SPATA16: variants seen among roughly 807,000 people sequenced by gnomAD.
SPATA16 encodes spermatogenesis-associated protein 16.
Under a neutral mutation model 63.3 loss-of-function variants are expected in SPATA16, and 36 were observed. That is an observed-to-expected ratio of 0.57 (90% CI 0.44 to 0.75). The LOEUF (loss-of-function observed/expected upper bound fraction) is 0.75, where lower values mean the gene tolerates loss of function less well. Among genes scored for constraint, SPATA16 ranks in the 30% least tolerant of loss-of-function variants. SPATA16 has a pLI of 0.00. For missense variants in SPATA16, 646 were observed against 679.3 expected, an observed-to-expected ratio of 0.95 and a Z score of 0.54; for synonymous variants, 203 against 216.7, an observed-to-expected ratio of 0.94 and a Z score of 0.56.
intron 2 of SPATA16, among the ~76,000 whole-genome samples, chr3:173,097,182 AC>A (rs1057464890): frequency 7.2e-5 from 11 of 152,138 alleles, no homozygotes; most frequent in Non-Finnish European, 1.6e-4. Context: ...TCTAGATGCC[AC>A]CCACACATAG....
At chr3:173,134,463 T>G (rs940065672) in intron 1 of SPATA16, among the ~76,000 whole-genome samples, 1 of 151,366 alleles carries the variant, frequency 6.6e-6, no homozygotes, top group African/African-American at 2.4e-5. Context: ...CACTCCGGCC[T>G]GGGTGACAGA....
chr3:173,127,585 T>C (rs1219887391), intron 1 of SPATA16, among the ~76,000 whole-genome samples: 1 of 152,186 alleles, frequency 6.6e-6, no homozygotes, highest in Non-Finnish European at 1.5e-5. Flanking sequence ...TTTTACAGAA[T>C]CTACCTCAAT....
rs562505485 is a variant in SPATA16, at chr3:172,966,819, C to T, written c.934-9995G>A. On this transcript the variant is annotated intron_variant, in intron 5 of 10. Transcript: ENST00000351008. The stretch of plus-strand genomic sequence containing the variant: ...AGATTATCTTATACCTGAGTGAACA[C>T]AGCTTAAAAAATTTCATGATTTCAT... 7.3e-4 allele frequency among the ~76,000 whole-genome samples: 111 copies of T among 152,236 alleles called. 1 individual carries two copies. The highest frequency in any genetic ancestry group is 7.3e-3 in the Admixed American group (111 of 15,298).
intron 9 of SPATA16, among the ~76,000 whole-genome samples, chr3:172,913,987 T>C (rs1002181692): frequency 6.6e-6 from 1 of 152,194 alleles, no homozygotes; most frequent in South Asian, 2.1e-4. Context: ...TAGGTTTTAA[T>C]GTAGTAAGTG....
At chr3:173,076,217 A>G (rs1736798403) in intron 2 of SPATA16, among the ~76,000 whole-genome samples, 1 of 152,124 alleles carries the variant, frequency 6.6e-6, no homozygotes, top group Admixed American at 6.6e-5. Context: ...ATGTCTCGCT[A>G]TCTTTTAAAA....
chr3:172,961,123 T>TTCCTTCCTTCCTTCCTTCCTTCCTTCCG (rs1560080489), intron 5 of SPATA16, among the ~76,000 whole-genome samples: 2 of 150,786 alleles, frequency 1.3e-5, no homozygotes, highest in African/African-American at 4.9e-5. Context: ...CCTTCCTTCC[T>TTCCTTCCTTCCTTCCTTCCTTCCTTCCG]TCCTTTCTCT....
At chr3:173,117,786 T>C in intron 1 of SPATA16, 37 bp from the exon 2 acceptor site, 1 of 1,613,292 alleles carries the variant, frequency 6.2e-7, no homozygotes, top group South Asian at 1.1e-5. Flanking sequence ...ATTAAGGCAA[T>C]ATTTTGAATT....
rs544732508 is a variant in SPATA16, at chr3:172,901,971, A to G, written c.1587+11690T>C. Among the ~76,000 whole-genome samples, 14 of 152,308 alleles carry G rather than the reference A, an allele frequency of 9.2e-5. No homozygotes were observed. The South Asian group carries it at 2.1e-3, about 23-fold the overall frequency. The stretch of plus-strand genomic sequence containing the variant: ...GGGAGATTTACTTCCTACTGGGGAT[A>G]AAAGTCCAGACTCCCTACTTGTTCT... On this transcript the variant is annotated intron_variant, in intron 10 of 10. Transcript: ENST00000351008.
chr3:173,081,114 A>T (rs1736912850), intron 2 of SPATA16, among the ~76,000 whole-genome samples: 1 of 152,194 alleles, frequency 6.6e-6, no homozygotes, highest in Admixed American at 6.5e-5. Flanking sequence ...TCAAAATCTT[A>T]TCTGTAGATT....
intron 4 of SPATA16, among the ~76,000 whole-genome samples, chr3:172,998,629 A>T (rs1198118643): frequency 1.3e-5 from 2 of 152,156 alleles, no homozygotes; most frequent in Non-Finnish European, 2.9e-5. Context: ...GATCTTAGTG[A>T]GAAAGTTTCA....
intron 2 of SPATA16, among the ~76,000 whole-genome samples, chr3:173,062,662 A>C (rs1054070711): frequency 1.3e-5 from 2 of 152,206 alleles, no homozygotes; most frequent in African/African-American, 4.8e-5. Flanking sequence ...TCTAGGTAGT[A>C]TAAAATACTG....
At chr3:173,089,312 C>A (rs1268003644) in intron 2 of SPATA16, among the ~76,000 whole-genome samples, 1 of 152,200 alleles carries the variant, frequency 6.6e-6, no homozygotes, top group African/African-American at 2.4e-5. Flanking sequence ...ACTTCCTTCT[C>A]CTCCAGAGGC....
chr3:172,991,820 T>C (rs571296823), intron 4 of SPATA16, among the ~76,000 whole-genome samples: 8 of 152,266 alleles, frequency 5.3e-5, no homozygotes, highest in African/African-American at 1.7e-4. Flanking sequence ...GGGAGCCAGA[T>C]ATGGTGAACA....
At chr3:173,023,712 T>C (rs907415613) in intron 3 of SPATA16, among the ~76,000 whole-genome samples, 7 of 151,736 alleles carry the variant, frequency 4.6e-5, no homozygotes, top group South Asian at 4.1e-4. Flanking sequence ...TTTTTTTAAA[T>C]AGAAGTTTTA....
At chr3:172,889,783 G>T in intron 10 of SPATA16, 91 bp from the exon 11 acceptor site, 3 of 1,530,438 alleles carry the variant, frequency 2.0e-6, no homozygotes, top group South Asian at 2.3e-5. Flanking sequence ...AAAATAAATG[G>T]CACATACAAA....
chr3:173,089,187 A>G (rs767119096), intron 2 of SPATA16, among the ~76,000 whole-genome samples: 2 of 152,164 alleles, frequency 1.3e-5, no homozygotes, highest in Admixed American at 6.5e-5. Context: ...GAATACATCC[A>G]TAGAGAATTG....
intron 3 of SPATA16, among the ~76,000 whole-genome samples, chr3:173,030,021 C>G (rs1735564137): frequency 6.6e-6 from 1 of 151,956 alleles, no homozygotes; most frequent in Non-Finnish European, 1.5e-5. Context: ...AGGTAAGTGA[C>G]AGGATGCCTA....
At chr3:173,093,235 A>G (rs906995381) in intron 2 of SPATA16, among the ~76,000 whole-genome samples, 2 of 152,096 alleles carry the variant, frequency 1.3e-5, no homozygotes, top group African/African-American at 4.8e-5. Context: ...TTTCTATTTA[A>G]AAAATTGTCT....
At chr3:173,021,358 G>A (rs929980355) in intron 3 of SPATA16, among the ~76,000 whole-genome samples, 5 of 152,044 alleles carry the variant, frequency 3.3e-5, no homozygotes, top group Middle Eastern at 3.2e-3. Flanking sequence ...GAATTAGACG[G>A]GTCTGAGTTA....
Sources: allele counts gnomAD v4.1 joint callset (sites outside exome capture counted in the v4.1 genomes callset), GRCh38; gene constraint gnomAD v4.1.1; transcripts MANE v1.5; gene names NCBI Gene and HGNC (gene_info 2026-07-23, HGNC 2026-07-21).